ADAMTS20: variants seen among roughly 807,000 people sequenced by gnomAD.
ADAMTS20 encodes the protein ADAM metallopeptidase with thrombospondin type 1 motif 20, also known as A disintegrin and metalloproteinase with thrombospondin motifs 20.
Under a neutral mutation model 260.1 loss-of-function variants are expected in ADAMTS20, and 225 were observed. That is an observed-to-expected ratio of 0.87 (90% confidence interval 0.78 to 0.97). The LOEUF (loss-of-function observed/expected upper bound fraction) is 0.97. Among genes scored for constraint, ADAMTS20 ranks in the 50% least tolerant of loss-of-function variants. The pLI, the probability that ADAMTS20 is intolerant of heterozygous loss-of-function variation, is 0.00. For synonymous variants in ADAMTS20, 802 were observed against 769.5 expected, an observed-to-expected ratio of 1.04 and a Z score of -0.70; for missense variants, 2,400 against 2,337.7, an observed-to-expected ratio of 1.03 and a Z score of -0.55.
intron 18 of ADAMTS20, among the ~76,000 whole-genome samples, chr12:43,439,102 A>G (rs1479625370): frequency 1.3e-5 from 2 of 152,156 alleles, no homozygotes; most frequent in South Asian, 2.1e-4. Flanking sequence ...TCCCTACTAT[A>G]AATTGTCCTG....
At chr12:43,541,334 T>G (rs1029122245) in intron 2 of ADAMTS20, among the ~76,000 whole-genome samples, 3 of 152,342 alleles carry the variant, frequency 2.0e-5, no homozygotes, top group Admixed American at 2.0e-4. Flanking sequence ...TCAGTTCCAT[T>G]GTCTGTAAAA....
At chr12:43,514,439 G>T (rs185833753) in intron 3 of ADAMTS20, among the ~76,000 whole-genome samples, 2 of 151,780 alleles carry the variant, frequency 1.3e-5, no homozygotes, top group East Asian at 3.9e-4. Context: ...GCGCGTGCCT[G>T]TAATCCCAGT....
chr12:43,425,798 T>C lies in ADAMTS20; in HGVS notation c.4108-108A>G, dbSNP rs569216686. The C allele has an allele frequency of 1.0e-4, 76 of 742,852 alleles. No individual in the cohort carries two copies. In the East Asian group the frequency reaches 2.4e-3, roughly 24 times the overall value. The allele number at this position is 742,852 out of a possible 1,614,324, so 46.0% of individuals were successfully genotyped here. On this transcript the variant is annotated intron_variant, in intron 27 of 38. Transcript: ENST00000389420. The stretch of plus-strand genomic sequence containing the variant: ...GTAATTATGTTTATTCTAGTAATTT[T>C]AACATAATTAGTTTACTCTAGTAAT...
chr12:43,368,065 C>T (rs10880472), intron 37 of ADAMTS20, among the ~76,000 whole-genome samples: 22,702 of 151,868 alleles, frequency 0.15, 1,862 homozygotes, highest in South Asian at 0.28. Flanking sequence ...CTTTTCCTGG[C>T]TACCTTCTCC....
At position 43,490,394 on chromosome 12, in the gene ADAMTS20, C is replaced by A; in HGVS notation, c.1117+1G>T. On this transcript the variant is annotated splice_donor_variant, in intron 7 of 38. Coordinates refer to ENST00000389420, the MANE Select transcript of ADAMTS20 (RefSeq NM_025003.5). LOFTEE classifies it high-confidence loss of function. ...TAAACTTAATTGACAAAATAACTTA[C>A]CTAACATGTTACATTTCTCTTTAGA... is the stretch of plus-strand genomic sequence containing the variant. 1 of 1,255,296 alleles carries A rather than the reference C, an allele frequency of 8.0e-7. No homozygotes were observed. The highest frequency in any genetic ancestry group is 1.6e-5 in the South Asian group (1 of 64,206). 77.8% of individuals were successfully genotyped at this position (1,255,296 alleles called of 1,614,324 possible). A position where few individuals can be genotyped will look rare whatever the true frequency, so the allele number is the denominator to read the frequency against.
Position 43,428,726 on chromosome 12 carries a change from T to C in ADAMTS20, c.3563A>G (p.Asp1188Gly). ...SCRDALDRIADESYCAHLPRP... is the reference protein window; with the variant it reads ...SCRDALDRIAGESYCAHLPRP... ...GGGTAAGTGGGCACAATATGATTCA[T>C]CTGCTATTCTATCAAGAGCATCACG... The change falls in exon 25 of 39, where the codon GAT becomes GGT. Residue 1188 changes from aspartate to glycine, a missense_variant. Asp to Gly is a moderately conservative substitution (Grantham distance 94). Coordinates refer to ENST00000389420, the MANE Select transcript of ADAMTS20 (RefSeq NM_025003.5). 6.2e-7 allele frequency: 1 copy of C among 1,612,724 alleles called. No homozygotes were observed. The highest frequency in any genetic ancestry group is 8.5e-7 in the Non-Finnish European group (1 of 1,179,090).
intron 14 of ADAMTS20, among the ~76,000 whole-genome samples, chr12:43,451,253 A>C (rs1469310406): frequency 1.3e-5 from 2 of 152,136 alleles, no homozygotes; most frequent in Non-Finnish European, 2.9e-5. Context: ...TACACTTACT[A>C]TATTCTTTAG....
intron 11 of ADAMTS20, among the ~76,000 whole-genome samples, chr12:43,454,749 C>T (rs576568084): frequency 1.3e-5 from 2 of 152,206 alleles, no homozygotes; most frequent in South Asian, 4.1e-4. Context: ...TGACCATGCA[C>T]TCATGCCAGT....
At position 43,443,810 on chromosome 12, in the gene ADAMTS20, T is replaced by C; in HGVS notation, c.2271A>G (p.Gln757=). 1 of 1,612,530 alleles carries C rather than the reference T, an allele frequency of 6.2e-7. No homozygotes were observed. The highest frequency in any genetic ancestry group is 2.2e-5 in the East Asian group (1 of 44,838). The stretch of plus-strand genomic sequence containing the variant: ...GTTTACCAAGGTAACTGTCATCTGG[T>C]TGTCCAGAATAGCTGTACTGACGAA... The part of the protein sequence containing the change: ...VDIRQYSYSG[Q]PDDSYLALSD... Residue 757 remains glutamine, a synonymous_variant, in exon 16 of 39, where the codon CAA becomes CAG. Transcript: ENST00000389420.
chr12:43,403,529 C>T (rs1309210871), intron 28 of ADAMTS20, among the ~76,000 whole-genome samples: 2 of 152,010 alleles, frequency 1.3e-5, no homozygotes, highest in African/African-American at 2.4e-5. Context: ...AACTATTACA[C>T]TAGTCATGCA....
chr12:43,530,595 A>G (rs1320846124), intron 3 of ADAMTS20, among the ~76,000 whole-genome samples: 1 of 152,174 alleles, frequency 6.6e-6, no homozygotes, highest in Non-Finnish European at 1.5e-5. Flanking sequence ...GTTTGGAACT[A>G]TAGTTTACGG....
rs539837210 is a variant in ADAMTS20, at chr12:43,506,208, T to C, written c.614-3803A>G. On this transcript the variant is annotated intron_variant, in intron 3 of 38. Coordinates refer to ENST00000389420, the MANE Select transcript of ADAMTS20 (RefSeq NM_025003.5). Reference sequence around the variant, plus strand: ...TGACAACATGAATGAACCTTGAAGTTATCATGCTAAGTCAAATAAGCCAGT... The same window carrying C: ...TGACAACATGAATGAACCTTGAAGTCATCATGCTAAGTCAAATAAGCCAGT... 2.0e-4 allele frequency among the ~76,000 whole-genome samples: 30 copies of C among 151,772 alleles called. 1 individual carries two copies. In the South Asian group the frequency reaches 3.1e-3, roughly 16 times the overall value.
chr12:43,539,523 G>GATACCCTACC (rs1326141251), intron 2 of ADAMTS20, among the ~76,000 whole-genome samples: 4 of 152,210 alleles, frequency 2.6e-5, no homozygotes, highest in Admixed American at 2.6e-4. Context: ...TTCTAGGGCT[G>GATACCCTACC]ATACCCTACC....
At chr12:43,403,190 T>C (rs1228251535) in intron 28 of ADAMTS20, among the ~76,000 whole-genome samples, 4 of 152,160 alleles carry the variant, frequency 2.6e-5, no homozygotes, top group Non-Finnish European at 2.9e-5. Context: ...AAGCTGTACA[T>C]AATTATAGAA....
intron 29 of ADAMTS20, among the ~76,000 whole-genome samples, chr12:43,391,242 T>C (rs1051055947): frequency 6.6e-6 from 1 of 152,242 alleles, no homozygotes; most frequent in African/African-American, 2.4e-5. Context: ...ACCCTCATGA[T>C]TTAGTCAGCT....
rs1943524753 is a variant in ADAMTS20 at position 43,551,946 on chromosome 12, G to T, written c.-25C>A. ...TGGTTCCACCCTGGGGACCCCGATC[G>T]GGGAGGCCCACCAGAGCCGCCGGCA... On this transcript the variant is annotated 5_prime_UTR_variant, in exon 1 of 39. Coordinates refer to ENST00000389420, the MANE Select transcript of ADAMTS20 (RefSeq NM_025003.5). The surrounding 1 kb of genome is among the most constrained non-coding windows in gnomAD (Gnocchi z 4.6). The T allele has an allele frequency of 6.2e-7, 1 of 1,607,418 alleles. No homozygotes were observed.
chr12:43,483,843 G>A (rs1442080044), intron 7 of ADAMTS20, among the ~76,000 whole-genome samples: 1 of 152,112 alleles, frequency 6.6e-6, no homozygotes, highest in Non-Finnish European at 1.5e-5. Context: ...TTTACCCATG[G>A]GTACCGCTTA....
At chr12:43,453,176 A>T (rs1200714737) in intron 12 of ADAMTS20, among the ~76,000 whole-genome samples, 2 of 152,092 alleles carry the variant, frequency 1.3e-5, no homozygotes, top group African/African-American at 2.4e-5. Flanking sequence ...GGAAAATAAA[A>T]TTTTTTGCAG....
chr12:43,434,688 G>C (rs1941515501), intron 18 of ADAMTS20, among the ~76,000 whole-genome samples: 1 of 152,124 alleles, frequency 6.6e-6, no homozygotes, highest in Non-Finnish European at 1.5e-5. Context: ...GGACAGCACT[G>C]TTGCTATACA....
Sources: gnomAD v4.1 joint callset for allele counts (sites outside exome capture counted in the v4.1 genomes callset) on GRCh38, gnomAD v4.1.1 for gene constraint, Gnocchi (gnomAD v3.1) non-coding constraint, MANE v1.5 for transcripts, NCBI Gene and HGNC (gene_info 2026-07-23, HGNC 2026-07-21) for gene names.